PAM: variants seen among roughly 807,000 people sequenced by gnomAD.
PAM encodes peptidyl-glycine alpha-amidating monooxygenase.
In PAM, 72 loss-of-function variants were observed where a neutral mutation model predicts 122.1. The ratio of observed to expected loss-of-function variants is 0.59; its 90% CI spans 0.49 to 0.72. The LOEUF (loss-of-function observed/expected upper bound fraction) is 0.72, where lower values mean the gene tolerates loss of function less well. Ranked by LOEUF, PAM falls within the 30% of genes least tolerant of loss-of-function variation. The probability of loss-of-function intolerance (pLI) is 0.00; values close to 1 mark genes in which losing one functional copy is unlikely to be tolerated. For synonymous variants in PAM, 389 were observed against 404.4 expected (o/e 0.96, Z 0.46); for missense variants, 1,106 against 1,183.7 (o/e 0.93, Z 0.96).
intron 21 of PAM, among the ~76,000 whole-genome samples, chr5:103,012,223 C>T (rs559920038): frequency 6.6e-6 from 1 of 152,058 alleles, no homozygotes; most frequent in African/African-American, 2.4e-5. Flanking sequence ...TGTCTCTTCA[C>T]GTGGTTGATT....
At chr5:102,854,073 T>A (rs1048495350) in intron 1 of PAM, among the ~76,000 whole-genome samples, 1 of 152,194 alleles carries the variant, frequency 6.6e-6, no homozygotes, top group African/African-American at 2.4e-5. Flanking sequence ...CCACTACTGC[T>A]GGCAACATGA....
rs185517208 is a variant in PAM at position 102,940,200 on chromosome 5, T to A, written c.527-6637T>A. Among the ~76,000 whole-genome samples the A allele has an allele frequency of 4.8e-3, 714 of 149,852 alleles. 4 individuals carry two copies. Among genetic ancestry groups the A allele is most frequent in the South Asian group, 0.023 (110 of 4,736 alleles). ...AACACCCTCAAGACTATTCAAAAAT[T>A]TATAATAGAGAATTTTATACGAGAA... On this transcript the variant is annotated intron_variant, in intron 7 of 25. Transcript: ENST00000438793.
In PAM at chr5:102,996,507, A is replaced by C. The variant is rs541216164; in HGVS notation, c.1613+6106A>C. Among the ~76,000 whole-genome samples the C allele has an allele frequency of 4.6e-5, 7 of 152,302 alleles. No individual in the cohort carries two copies. The East Asian group carries it at 1.2e-3, about 25-fold the overall frequency. ...AATTACAAGAGTTTATAAACTACTT[A>C]CTTAGCAAGTTTAACATGTGTGTTT... is the stretch of plus-strand genomic sequence containing the variant. On this transcript the variant is annotated intron_variant, in intron 16 of 25. Coordinates refer to ENST00000438793, the MANE Select transcript of PAM (RefSeq NM_001177306.2).
intron 1 of PAM, among the ~76,000 whole-genome samples, chr5:102,814,499 GTC>G (rs141083370): frequency 1.5e-4 from 22 of 144,266 alleles, no homozygotes; most frequent in South Asian, 1.3e-3. Context: ...AGCCAAAAGC[GTC>G]TCTCTCTCTC....
intron 6 of PAM, among the ~76,000 whole-genome samples, chr5:102,926,305 C>A (rs1033112948): frequency 3.9e-5 from 6 of 152,150 alleles, no homozygotes; most frequent in Non-Finnish European, 7.4e-5. Context: ...TTTTGTTTTG[C>A]TCTGTTTCTT....
chr5:102,819,122 T>C (rs1770874202), intron 1 of PAM, among the ~76,000 whole-genome samples: 2 of 152,188 alleles, frequency 1.3e-5, no homozygotes, highest in Admixed American at 1.3e-4. Context: ...TGCTGCTTGC[T>C]TGCACTTTGC....
intron 5 of PAM, among the ~76,000 whole-genome samples, chr5:102,917,970 C>T (rs1484832698): frequency 1.3e-5 from 2 of 152,148 alleles, no homozygotes; most frequent in South Asian, 2.1e-4. Context: ...AAATTAGCAG[C>T]TCACATTGGC....
chr5:102,946,398 C>G (rs1317846867), intron 7 of PAM, among the ~76,000 whole-genome samples: 1 of 151,774 alleles, frequency 6.6e-6, no homozygotes. Context: ...TCAGCAATGC[C>G]TAAAGTGTAT....
At chr5:102,901,676 A>G (rs1797944203) in intron 4 of PAM, among the ~76,000 whole-genome samples, 1 of 151,528 alleles carries the variant, frequency 6.6e-6, no homozygotes, top group Non-Finnish European at 1.5e-5. Flanking sequence ...GTGTGGTCCC[A>G]TTTGTATAGT....
Position 103,025,526 on chromosome 5 carries a change from T to A in PAM, c.2689+192T>A, listed in dbSNP as rs139768857. On this transcript the variant is annotated intron_variant, in intron 24 of 25. Coordinates refer to ENST00000438793, the MANE Select transcript of PAM (RefSeq NM_001177306.2). ...GTTAATATCACAGTACAAAATAGTATCTGGAGACTCTGAAATTTGGATAGT... is the reference window on the plus strand; with the variant it reads ...GTTAATATCACAGTACAAAATAGTAACTGGAGACTCTGAAATTTGGATAGT... The A allele has an allele frequency of 2.7e-4, 163 of 614,424 alleles. No homozygotes were observed. In the African/African-American group the frequency reaches 2.9e-3, roughly 11 times the overall value. 38.1% of individuals were successfully genotyped at this position (614,424 alleles called of 1,614,324 possible).
At chr5:102,878,615 A>G (rs1444059342) in intron 3 of PAM, among the ~76,000 whole-genome samples, 1 of 152,108 alleles carries the variant, frequency 6.6e-6, no homozygotes, top group Non-Finnish European at 1.5e-5. Flanking sequence ...GCCCCTGAAC[A>G]CCTTCCAGGA....
chr5:102,900,254 T>TGTGGGGGGGGG (rs777616737), intron 3 of PAM, among the ~76,000 whole-genome samples: 1 of 26,976 alleles, frequency 3.7e-5, no homozygotes, highest in African/African-American at 1.7e-4. Context: ...TGTGTGTGTG[T>TGTGGGGGGGGG]GGGGGGGGGG....
chr5:102,803,396 T>C (rs1765416140), intron 1 of PAM, among the ~76,000 whole-genome samples: 1 of 151,858 alleles, frequency 6.6e-6, no homozygotes, highest in Admixed American at 6.6e-5. Context: ...TAGGATGAGG[T>C]GAGTAATGAT....
intron 7 of PAM, among the ~76,000 whole-genome samples, chr5:102,935,733 A>G (rs1753031146): frequency 6.6e-6 from 1 of 152,136 alleles, no homozygotes; most frequent in South Asian, 2.1e-4. Flanking sequence ...ACTCCTTATA[A>G]TGTTTCATTT....
intron 14 of PAM, among the ~76,000 whole-genome samples, chr5:102,973,778 ATATTT>A (rs1416715767): frequency 6.6e-6 from 1 of 151,884 alleles, no homozygotes; most frequent in Non-Finnish European, 1.5e-5. Flanking sequence ...GCTATTGATG[ATATTT>A]TATTTTAGAA....
At chr5:102,933,790 T>C (rs1293842015) in intron 7 of PAM, among the ~76,000 whole-genome samples, 24 of 152,254 alleles carry the variant, frequency 1.6e-4, no homozygotes, top group Admixed American at 1.4e-3. Flanking sequence ...TAATGCATTT[T>C]GAACAAGATG....
intron 1 of PAM, among the ~76,000 whole-genome samples, chr5:102,817,486 T>G (rs986775820): frequency 6.6e-5 from 10 of 152,148 alleles, no homozygotes; most frequent in African/African-American, 2.4e-4. Flanking sequence ...TGAAATAATA[T>G]TTTGGTTATA....
intron 8 of PAM, 131 bp downstream of exon 8, chr5:102,947,016 T>C (rs1757274990): frequency 1.4e-6 from 1 of 698,830 alleles, no homozygotes; most frequent in Non-Finnish European, 2.6e-6. Context: ...CAAATATGTA[T>C]TGTCTCATTT....
intron 1 of PAM, among the ~76,000 whole-genome samples, chr5:102,840,668 A>G (rs181524834): frequency 6.6e-6 from 1 of 152,296 alleles, no homozygotes; most frequent in East Asian, 1.9e-4. Flanking sequence ...TACGGGACCT[A>G]GCCTTCTTGC....
Sources: gnomAD v4.1 joint callset for allele counts (sites outside exome capture counted in the v4.1 genomes callset) on GRCh38, gnomAD v4.1.1 for gene constraint, MANE v1.5 for transcripts, NCBI Gene and HGNC (gene_info 2026-07-23, HGNC 2026-07-21) for gene names.